LRRIQ1: variants seen among roughly 807,000 people sequenced by gnomAD.
LRRIQ1 encodes leucine rich repeats and IQ motif containing 1.
In LRRIQ1, 210 loss-of-function variants were observed where a neutral mutation model predicts 211.9. That is an observed-to-expected ratio of 0.99 (90% CI 0.89 to 1.11). The LOEUF (loss-of-function observed/expected upper bound fraction) is 1.11. LRRIQ1 is among the 50% of genes most tolerant of loss of function. LRRIQ1 has a pLI of 0.00. For synonymous variants in LRRIQ1, 699 were observed against 650.1 expected, an observed-to-expected ratio of 1.08 and a Z score of -1.14; for missense variants, 2,136 against 1,939.5, an observed-to-expected ratio of 1.10 and a Z score of -1.90.
Position 85,056,176 on chromosome 12 carries a change from A to G in LRRIQ1, c.1383A>G (p.Ile461Met). 6.3e-7 allele frequency: 1 copy of G among 1,583,472 alleles called. No individual in the cohort carries two copies. Among genetic ancestry groups the G allele is most frequent in the South Asian group, 1.2e-5 (1 of 84,144 alleles). The change falls in exon 8 of 27, where the codon ATA (isoleucine) becomes ATG (methionine). Residue 461 changes from isoleucine (I) to methionine (M), a missense_variant. Physicochemically the swap from Ile to Met is conservative, Grantham distance 10. Transcript: ENST00000393217. ...VDRQTILKES[I>M]QVKLKESISS... is the part of the protein sequence containing the mutation. ...GACAGACTATATTAAAAGAATCAAT[A>G]CAAGTAAAGTTAAAAGAATCTATAT...
At chr12:85,250,264 C>T (rs1428654188) in intron 1 of LRRIQ1, among the ~76,000 whole-genome samples, 2 of 151,680 alleles carry the variant, frequency 1.3e-5, no homozygotes, top group African/African-American at 4.8e-5. Context: ...AGTAGACATT[C>T]GACATCTATC....
At chr12:85,260,240 A>G (rs1221662403) in intron 1 of LRRIQ1, among the ~76,000 whole-genome samples, 1 of 151,596 alleles carries the variant, frequency 6.6e-6, no homozygotes, top group Non-Finnish European at 1.5e-5. Flanking sequence ...TGAGCCCAGC[A>G]TGTGGAGGCT....
In LRRIQ1 at chr12:85,254,872, A is replaced by T. The variant is rs188733174; in HGVS notation, c.122-8043A>T. Among the ~76,000 whole-genome samples the T allele has an allele frequency of 4.2e-3, 646 of 152,102 alleles. 1 individual carries two copies. The highest frequency in any genetic ancestry group is 6.9e-3 in the Middle Eastern group (2 of 288). On this transcript the variant is annotated intron_variant, in intron 1 of 1. Transcript: ENST00000602731. Reference sequence around the variant, plus strand: ...AACTCCAGAACTTCTGGTAATGTCAAATTTACAAAGAACTTGAGGAGTGAA... The same window carrying T: ...AACTCCAGAACTTCTGGTAATGTCATATTTACAAAGAACTTGAGGAGTGAA...
intron 24 of LRRIQ1, among the ~76,000 whole-genome samples, chr12:85,185,756 A>G: frequency 6.6e-6 from 1 of 152,138 alleles, no homozygotes; most frequent in South Asian, 2.1e-4. Flanking sequence ...TTTATTCCAC[A>G]TACATTTTAT....
chr12:85,145,270 A>G (rs1213832583), intron 19 of LRRIQ1, among the ~76,000 whole-genome samples: 1 of 151,596 alleles, frequency 6.6e-6, no homozygotes, highest in Admixed American at 6.6e-5. Flanking sequence ...TTTTTATAAG[A>G]GGAGTAAATA....
At position 85,056,715 on chromosome 12, in the gene LRRIQ1, A is replaced by G; in HGVS notation, c.1922A>G (p.Glu641Gly). The G allele has an allele frequency of 6.2e-7, 1 of 1,607,624 alleles. No homozygotes were observed. Among genetic ancestry groups the G allele is most frequent in the Non-Finnish European group, 8.5e-7 (1 of 1,178,290 alleles). Residue 641 changes from glutamate to glycine, a missense_variant, in exon 8 of 27, where the codon GAA becomes GGA. Physicochemically the swap from Glu to Gly is moderately conservative, Grantham distance 98. Transcript: ENST00000393217. ...QEKEIYSKSK[E>G]IEENPKDNAW... Reference sequence around the variant, plus strand: ...AAAGAAATTTATTCAAAATCCAAAGAAATTGAGGAGAACCCAAAAGACAAT... The same window carrying G: ...AAAGAAATTTATTCAAAATCCAAAGGAATTGAGGAGAACCCAAAAGACAAT...
chr12:85,085,405 T>A lies in LRRIQ1; in HGVS notation c.2887+12307T>A, dbSNP rs568644843. Among the ~76,000 whole-genome samples the A allele has an allele frequency of 2.0e-5, 3 of 152,308 alleles. No individual in the cohort carries two copies. The East Asian group carries it at 5.8e-4, about 29-fold the overall frequency. On this transcript the variant is annotated intron_variant, in intron 11 of 26. Coordinates refer to ENST00000393217, the MANE Select transcript of LRRIQ1 (RefSeq NM_001079910.2). Reference sequence around the variant, plus strand: ...GCCACTTGGGTCTCTCCCTCAGCACTTGGGGATTACAATTCAAGATGAGAT... The same window carrying A: ...GCCACTTGGGTCTCTCCCTCAGCACATGGGGATTACAATTCAAGATGAGAT...
intron 11 of LRRIQ1, among the ~76,000 whole-genome samples, chr12:85,081,677 T>C (rs937328481): frequency 1.3e-5 from 2 of 151,858 alleles, no homozygotes; most frequent in Non-Finnish European, 2.9e-5. Context: ...AGTTTAATTA[T>C]ATTTGCTGAC....
At chr12:85,128,543 T>G (rs1159233114) in intron 18 of LRRIQ1, among the ~76,000 whole-genome samples, 4 of 152,092 alleles carry the variant, frequency 2.6e-5, no homozygotes, top group African/African-American at 9.7e-5. Flanking sequence ...GAGGTTGCAG[T>G]GAGCTATGAT....
At chr12:85,182,122 G>C (rs749462937) in intron 24 of LRRIQ1, among the ~76,000 whole-genome samples, 7 of 151,838 alleles carry the variant, frequency 4.6e-5, no homozygotes, top group Non-Finnish European at 1.0e-4. Flanking sequence ...TTAACTATTT[G>C]AACATGTTCC....
intron 11 of LRRIQ1, among the ~76,000 whole-genome samples, chr12:85,081,184 A>G (rs1565815646): frequency 6.6e-6 from 1 of 152,142 alleles, no homozygotes; most frequent in South Asian, 2.1e-4. Flanking sequence ...GTGACCTCCT[A>G]GGTTTGTAAG....
intron 19 of LRRIQ1, among the ~76,000 whole-genome samples, chr12:85,150,413 T>C (rs1890165241): frequency 6.6e-6 from 1 of 151,776 alleles, no homozygotes; most frequent in East Asian, 1.9e-4. Context: ...AAATAAAAAT[T>C]TCCATCCCCA....
chr12:85,191,366 T>C (rs1289288431), intron 24 of LRRIQ1, among the ~76,000 whole-genome samples: 1 of 152,006 alleles, frequency 6.6e-6, no homozygotes. Flanking sequence ...ATCTTTTTAC[T>C]GACTCCATAA....
chr12:85,210,722 C>T (rs1893798436), intron 24 of LRRIQ1, among the ~76,000 whole-genome samples: 1 of 152,126 alleles, frequency 6.6e-6, no homozygotes, highest in African/African-American at 2.4e-5. Context: ...TGTTTCTGAA[C>T]ATTCTGGAAG....
At chr12:85,247,994 C>G (rs377315352), downstream of LRRIQ1, among the ~76,000 whole-genome samples, 82 of 151,608 alleles carry the variant, frequency 5.4e-4, no homozygotes, top group African/African-American at 1.9e-3. Flanking sequence ...AGATTACATT[C>G]TCATTCAAAA....
chr12:85,174,319 G>C (rs1158307819), intron 24 of LRRIQ1, among the ~76,000 whole-genome samples: 1 of 151,682 alleles, frequency 6.6e-6, no homozygotes, highest in Non-Finnish European at 1.5e-5. Flanking sequence ...AGAAACCAGA[G>C]GAAAAATACA....
intron 24 of LRRIQ1, among the ~76,000 whole-genome samples, chr12:85,228,084 G>T (rs1894754977): frequency 6.6e-6 from 1 of 152,084 alleles, no homozygotes; most frequent in Non-Finnish European, 1.5e-5. Flanking sequence ...AGAAAACCTT[G>T]GCAATACCAT....
At chr12:85,242,200 T>C (rs1005019929) in intron 26 of LRRIQ1, among the ~76,000 whole-genome samples, 2 of 152,044 alleles carry the variant, frequency 1.3e-5, no homozygotes, top group Non-Finnish European at 2.9e-5. Flanking sequence ...TTGCACTATT[T>C]TGGAATCCAA....
chr12:85,225,538 A>G (rs1464106043), intron 24 of LRRIQ1, among the ~76,000 whole-genome samples: 1 of 152,238 alleles, frequency 6.6e-6, no homozygotes, highest in Non-Finnish European at 1.5e-5. Flanking sequence ...ATGTTTAAAT[A>G]AAATTACTTA....
Sources: gnomAD v4.1 joint callset for allele counts (sites outside exome capture counted in the v4.1 genomes callset) on GRCh38, gnomAD v4.1.1 for gene constraint, MANE v1.5 for transcripts, NCBI Gene and HGNC (gene_info 2026-07-23, HGNC 2026-07-21) for gene names.